The following IQSEC3 variants were observed in gnomAD, a reference collection of about 807,000 sequenced individuals.
The protein encoded by IQSEC3 is IQ motif and SEC7 domain-containing protein 3.
Under a neutral mutation model 105.4 loss-of-function variants are expected in IQSEC3, and 50 were observed. That is an observed-to-expected ratio of 0.47 (90% CI 0.38 to 0.60). IQSEC3 has a LOEUF of 0.60. Ranked by LOEUF, IQSEC3 falls within the 20% of genes least tolerant of loss-of-function variation. The probability of loss-of-function intolerance (pLI) is 0.00; values close to 1 mark genes in which losing one functional copy is unlikely to be tolerated. For missense variants in IQSEC3, 1,415 were observed against 1,630.0 expected (o/e 0.87, Z 2.27); for synonymous variants, 708 against 746.0 (o/e 0.95, Z 0.83).
chr12:75,071 C>T (rs1318575029), intron 1 of IQSEC3, among the ~76,000 whole-genome samples: 1 of 152,286 alleles, frequency 6.6e-6, no homozygotes, highest in Middle Eastern at 3.2e-3. Context: ...TCAGAGACGA[C>T]TTTAGGTACT....
intron 1 of IQSEC3, among the ~76,000 whole-genome samples, chr12:76,192 AG>A (rs1276765418): frequency 6.6e-6 from 1 of 152,148 alleles, no homozygotes; most frequent in Non-Finnish European, 1.5e-5. Context: ...GAGGGAAAGG[AG>A]GCTGGCATTG....
chr12:80,836 A>C (rs1863720301), intron 1 of IQSEC3, among the ~76,000 whole-genome samples: 1 of 152,076 alleles, frequency 6.6e-6, no homozygotes, highest in South Asian at 2.1e-4. Flanking sequence ...GTCCTGGAGG[A>C]GGGGAGGGAG....
At chr12:75,467 T>A (rs1555068755) in intron 1 of IQSEC3, among the ~76,000 whole-genome samples, 4 of 152,180 alleles carry the variant, frequency 2.6e-5, no homozygotes, top group South Asian at 4.1e-4. Flanking sequence ...ACGAACTTCA[T>A]GTGTGGAAGA....
At chr12:172,946 G>A (rs1939084923) in intron 13 of IQSEC3, among the ~76,000 whole-genome samples, 1 of 152,210 alleles carries the variant, frequency 6.6e-6, no homozygotes, top group African/African-American at 2.4e-5. Flanking sequence ...GAGCTTCAGG[G>A]AGAAGAAGGA....
At position 128,167 on chromosome 12, in the gene IQSEC3, A is replaced by G. The variant is rs138855585; in HGVS notation, c.903+2255A>G. Among the ~76,000 whole-genome samples the G allele has an allele frequency of 3.4e-3, 522 of 152,174 alleles. 1 individual carries two copies. Among genetic ancestry groups the G allele is most frequent in the Non-Finnish European group, 5.9e-3 (403 of 68,010 alleles). On this transcript the variant is annotated intron_variant, in intron 3 of 13. Coordinates refer to ENST00000538872, the MANE Select transcript of IQSEC3 (RefSeq NM_001170738.2). The stretch of plus-strand genomic sequence containing the variant: ...CTCAGGCAGTTTTCCCTGCCTCCCA[A>G]GCCTGCACTGGGTGTCCCTCTCAGT...
intron 2 of IQSEC3, 72 bp from the exon 3 acceptor site, chr12:125,561 C>T: frequency 2.9e-6 from 4 of 1,397,418 alleles, no homozygotes; most frequent in Middle Eastern, 2.0e-4. Context: ...TAGCTTCTCT[C>T]CCCGACCCCC....
At chr12:81,454 C>T (rs1555070701) in intron 1 of IQSEC3, among the ~76,000 whole-genome samples, 1 of 152,156 alleles carries the variant, frequency 6.6e-6, no homozygotes, top group Non-Finnish European at 1.5e-5. Context: ...ATGCTAGTAG[C>T]TTGGACCAGG....
At chr12:96,067 G>A (rs1555074711) in intron 1 of IQSEC3, among the ~76,000 whole-genome samples, 2 of 152,192 alleles carry the variant, frequency 1.3e-5, no homozygotes, top group Non-Finnish European at 2.9e-5. Context: ...TGGTTGGGCT[G>A]CAGCTTTGTT....
chr12:171,206 CT>C, intron 13 of IQSEC3, 45 bp downstream of exon 13: 1 of 1,613,892 alleles, frequency 6.2e-7, no homozygotes, highest in Non-Finnish European at 8.5e-7. Flanking sequence ...ACCCTGCCCC[CT>C]TGTTCTTCTT....
intron 5 of IQSEC3, among the ~76,000 whole-genome samples, chr12:145,683 G>C (rs548569562): frequency 1.3e-5 from 2 of 152,352 alleles, no homozygotes; most frequent in South Asian, 4.1e-4. Flanking sequence ...CCAGCGGCAG[G>C]AGCCAGACAG....
At chr12:111,514 C>T (rs1397192833) in intron 2 of IQSEC3, 3 of 152,106 alleles carry the variant, frequency 2.0e-5, no homozygotes, top group Admixed American at 6.5e-5. Context: ...TGTGTCTGAG[C>T]TTTTCCCTGT....
At chr12:99,006 G>T in intron 1 of IQSEC3, 140 bp from the exon 2 acceptor site, 1 of 682,054 alleles carries the variant, frequency 1.5e-6, no homozygotes. Flanking sequence ...AGCAGTGATT[G>T]GCTGCCTGAT....
At chr12:158,558 G>A (rs544708433) in intron 7 of IQSEC3, among the ~76,000 whole-genome samples, 2 of 152,206 alleles carry the variant, frequency 1.3e-5, no homozygotes, top group Middle Eastern at 3.2e-3. Context: ...TCGCCCAAGA[G>A]TAACAACTAT....
At chr12:170,846 C>T (rs562896537) in intron 12 of IQSEC3, among the ~76,000 whole-genome samples, 33 of 152,348 alleles carry the variant, frequency 2.2e-4, no homozygotes, top group Admixed American at 3.9e-4. Flanking sequence ...ACTGGGAAGG[C>T]TTTGACTGTG....
At chr12:160,422 G>T (rs781846426) in intron 7 of IQSEC3, among the ~76,000 whole-genome samples, 13 of 152,148 alleles carry the variant, frequency 8.5e-5, no homozygotes, top group Non-Finnish European at 1.3e-4. Context: ...CTGATACCCA[G>T]AAGATAAATG....
intron 1 of IQSEC3, among the ~76,000 whole-genome samples, chr12:68,384 A>G (rs1555066610): frequency 6.6e-6 from 1 of 152,154 alleles, no homozygotes; most frequent in African/African-American, 2.4e-5. Context: ...TTTCCCGGTT[A>G]TCTGGTGATC....
At chr12:155,391 T>C (rs564238382) in intron 5 of IQSEC3, among the ~76,000 whole-genome samples, 11 of 152,230 alleles carry the variant, frequency 7.2e-5, no homozygotes, top group African/African-American at 1.9e-4. Flanking sequence ...GGACAACTCA[T>C]AGCCTGAAGA....
chr12:144,044 C>T (rs1287118223), intron 5 of IQSEC3: 2 of 152,458 alleles, frequency 1.3e-5, no homozygotes, highest in African/African-American at 4.8e-5. Context: ...AAGCCGCAAT[C>T]CCTCATGCTT....
intron 2 of IQSEC3, among the ~76,000 whole-genome samples, chr12:118,859 G>T (rs1555081214): frequency 6.6e-6 from 1 of 152,174 alleles, no homozygotes; most frequent in Admixed American, 6.5e-5. Context: ...CAATGTGGCT[G>T]CCAGGGCCTG....
Sources: gnomAD v4.1 joint callset for allele counts (sites outside exome capture counted in the v4.1 genomes callset) on GRCh38, gnomAD v4.1.1 for gene constraint, MANE v1.5 for transcripts, NCBI Gene and HGNC (gene_info 2026-07-23, HGNC 2026-07-21) for gene names.